GRIN3A: variants seen among roughly 807,000 people sequenced by gnomAD.
GRIN3A encodes glutamate receptor ionotropic, NMDA 3A.
A neutral mutation model predicts 92.4 loss-of-function variants in GRIN3A; 47 were observed. The ratio of observed to expected loss-of-function variants is 0.51; its 90% CI spans 0.40 to 0.65. The LOEUF is 0.65. Ranked by LOEUF, GRIN3A falls within the 30% of genes least tolerant of loss-of-function variation. GRIN3A has a pLI of 0.00. For synonymous variants in GRIN3A, 527 were observed against 540.6 expected (o/e 0.97, Z 0.35); for missense variants, 1,324 against 1,393.1 (o/e 0.95, Z 0.79).
intron 3 of GRIN3A, among the ~76,000 whole-genome samples, chr9:101,663,560 GCA>G (rs1829202965): frequency 6.6e-6 from 1 of 151,714 alleles, no homozygotes; most frequent in Admixed American, 6.6e-5. Context: ...CTTCTTTGTG[GCA>G]GCTTTCATTA....
At chr9:101,619,950 A>G (rs1828526763) in intron 5 of GRIN3A, among the ~76,000 whole-genome samples, 1 of 152,060 alleles carries the variant, frequency 6.6e-6, no homozygotes, top group African/African-American at 2.4e-5. Flanking sequence ...CATCCTTAAT[A>G]GTTTTGGTTT....
chr9:101,595,103 G>C, intron 6 of GRIN3A: 1 of 638,464 alleles, frequency 1.6e-6, no homozygotes, highest in South Asian at 2.0e-5. Flanking sequence ...GAGAGGGAGC[G>C]GAGAGAGGAG....
At chr9:101,630,047 T>C (rs769856467) in intron 3 of GRIN3A, among the ~76,000 whole-genome samples, 4 of 152,222 alleles carry the variant, frequency 2.6e-5, no homozygotes, top group Non-Finnish European at 5.9e-5. Flanking sequence ...AGTAGCAAAT[T>C]GCAGTCGTAT....
intron 3 of GRIN3A, among the ~76,000 whole-genome samples, chr9:101,640,644 C>T (rs1828845100): frequency 6.7e-6 from 1 of 150,272 alleles, no homozygotes; most frequent in Admixed American, 6.6e-5. Flanking sequence ...TCCCACAATT[C>T]CCATGTGTTG....
chr9:101,678,678 G>C (rs1488400105), intron 2 of GRIN3A, among the ~76,000 whole-genome samples: 3 of 152,100 alleles, frequency 2.0e-5, no homozygotes, highest in Non-Finnish European at 4.4e-5. Flanking sequence ...TCACCAAGAA[G>C]AGAACAATAC....
At chr9:101,588,261 A>G (rs1311816416) in intron 6 of GRIN3A, among the ~76,000 whole-genome samples, 1 of 152,272 alleles carries the variant, frequency 6.6e-6, no homozygotes, top group Non-Finnish European at 1.5e-5. Flanking sequence ...GAAAGATCAC[A>G]CTTAACAAAA....
chr9:101,590,528 C>T (rs1329817755), intron 6 of GRIN3A, among the ~76,000 whole-genome samples: 5 of 151,902 alleles, frequency 3.3e-5, no homozygotes, highest in East Asian at 3.9e-4. Flanking sequence ...ATTACAGGCA[C>T]GTGCCACCAC....
chr9:101,709,865 C>A (rs1165295529), intron 1 of GRIN3A, among the ~76,000 whole-genome samples: 1 of 152,158 alleles, frequency 6.6e-6, no homozygotes, highest in Non-Finnish European at 1.5e-5. Context: ...TGCATTTATT[C>A]CTTTTTCAGT....
Position 101,570,648 on chromosome 9 carries a change from C to T in GRIN3A, c.*2526G>A, listed in dbSNP as rs1049829165. 6 of 152,604 alleles carry T rather than the reference C, an allele frequency of 3.9e-5. No homozygotes were observed. The highest frequency in any genetic ancestry group is 1.4e-4 in the African/African-American group (6 of 41,438). 9.5% of individuals were successfully genotyped at this position (152,604 alleles called of 1,614,324 possible). A position where few individuals can be genotyped will look rare whatever the true frequency, so the allele number is the denominator to read the frequency against. ...GGCCAGTGTTTTGGCCAGGTAGTTC[C>T]TCCAAAGATGTTTGAGGAGCGTGCA... On this transcript the variant is annotated 3_prime_UTR_variant, in exon 9 of 9. Transcript: ENST00000361820.
At chr9:101,625,599 A>G (rs1828623002) in intron 4 of GRIN3A, among the ~76,000 whole-genome samples, 1 of 152,232 alleles carries the variant, frequency 6.6e-6, no homozygotes, top group Non-Finnish European at 1.5e-5. Flanking sequence ...AAGGGGTATC[A>G]GATTTAAGTT....
chr9:101,604,532 T>G (rs899123188), intron 6 of GRIN3A, among the ~76,000 whole-genome samples: 6 of 152,194 alleles, frequency 3.9e-5, no homozygotes, highest in African/African-American at 1.4e-4. Context: ...TCAAGGTGGC[T>G]CTTGATATAC....
intron 2 of GRIN3A, among the ~76,000 whole-genome samples, chr9:101,681,852 C>A (rs369442336): frequency 5.7e-4 from 2 of 3,518 alleles, no homozygotes; most frequent in East Asian, 2.6e-3. Context: ...TCCCTCCCCC[C>A]TCCCCCGACC....
At chr9:101,720,044 G>A (rs771311228) in intron 1 of GRIN3A, among the ~76,000 whole-genome samples, 20 of 151,974 alleles carry the variant, frequency 1.3e-4, no homozygotes, top group African/African-American at 4.4e-4. Flanking sequence ...TTAAGTCCCC[G>A]TTTGGGAATT....
At chr9:101,680,658 G>A (rs1363831347) in intron 2 of GRIN3A, among the ~76,000 whole-genome samples, 1 of 152,146 alleles carries the variant, frequency 6.6e-6, no homozygotes, top group Admixed American at 6.5e-5. Context: ...ATAAAACTAT[G>A]AATAATTAGA....
intron 6 of GRIN3A, among the ~76,000 whole-genome samples, chr9:101,610,605 C>G (rs1360734123): frequency 7.1e-6 from 1 of 141,668 alleles, no homozygotes; most frequent in African/African-American, 2.5e-5. Context: ...ATCTATCTAT[C>G]TATCTATCTA....
chr9:101,714,268 T>C (rs16920674), intron 1 of GRIN3A, among the ~76,000 whole-genome samples: 18,048 of 152,004 alleles, frequency 0.12, 2,147 homozygotes, highest in African/African-American at 0.31. Flanking sequence ...CATGCTGAGA[T>C]AGACAATAAT....
At chr9:101,667,221 T>A (rs1046733276) in intron 3 of GRIN3A, among the ~76,000 whole-genome samples, 1 of 151,920 alleles carries the variant, frequency 6.6e-6, no homozygotes, top group Admixed American at 6.6e-5. Flanking sequence ...AGGAGCAGAA[T>A]GAATTACTTG....
chr9:101,670,999 G>A lies in GRIN3A; in HGVS notation c.1413C>T (p.Asp471=). 1.9e-6 allele frequency: 3 copies of A among 1,613,978 alleles called. No homozygotes were observed. The highest frequency in any genetic ancestry group is 1.7e-4 in the Middle Eastern group (1 of 6,056). ...GGGTCCACATTGGCTTTCCCATGGG[G>A]TCATGTTGAAGATTCCAGATGAAAA... ...NNFFIWNLQH[D]PMGKPMWTRL... is the part of the protein sequence containing the mutation. Residue 471 remains aspartate (D), a synonymous_variant, in exon 3 of 9, where the codon GAC becomes GAT. Transcript: ENST00000361820.
intron 5 of GRIN3A, among the ~76,000 whole-genome samples, chr9:101,617,073 G>C (rs890989255): frequency 6.7e-6 from 1 of 149,872 alleles, no homozygotes; most frequent in African/African-American, 2.5e-5. Flanking sequence ...GGTGGCGGGC[G>C]CCTGTAGTCG....
Sources: allele counts gnomAD v4.1 joint callset (sites outside exome capture counted in the v4.1 genomes callset), GRCh38; gene constraint gnomAD v4.1.1; transcripts MANE v1.5; gene names NCBI Gene and HGNC (gene_info 2026-07-23, HGNC 2026-07-21).